UBE2R2: variants seen among roughly 807,000 people sequenced by gnomAD.
UBE2R2 encodes ubiquitin-conjugating enzyme E2 R2.
UBE2R2 carries 1 observed loss-of-function variant against 27.8 expected under a neutral mutation model. That is an observed-to-expected ratio of 0.04 (90% CI 0.01 to 0.17). The LOEUF is 0.17. UBE2R2 is among the 10% of genes least tolerant of loss of function. UBE2R2 has a pLI of 1.00. For synonymous variants in UBE2R2, 106 were observed against 113.3 expected (o/e 0.94, Z 0.41); for missense variants, 100 against 291.0 (o/e 0.34, Z 4.78).
intron 1 of UBE2R2, among the ~76,000 whole-genome samples, chr9:33,848,614 T>C (rs919774862): frequency 6.6e-6 from 1 of 152,092 alleles, no homozygotes; most frequent in Non-Finnish European, 1.5e-5. Context: ...TCTTTTTTTT[T>C]TTTTTAAATG....
intron 3 of UBE2R2, 132 bp downstream of exon 3, chr9:33,900,403 C>A: frequency 1.7e-6 from 1 of 589,998 alleles, no homozygotes; most frequent in Non-Finnish European, 2.9e-6. Flanking sequence ...TTGTCTTTAG[C>A]TAGAGCTTTA....
chr9:33,818,581 A>T (rs1016177833), intron 1 of UBE2R2: 2 of 147,946 alleles, frequency 1.4e-5, no homozygotes, highest in Non-Finnish European at 3.0e-5. Flanking sequence ...GTCATTATCC[A>T]TTTGGGGGAA....
At chr9:33,854,424 A>AT (rs1313489456) in intron 1 of UBE2R2, among the ~76,000 whole-genome samples, 1 of 151,804 alleles carries the variant, frequency 6.6e-6, no homozygotes, top group African/African-American at 2.4e-5. Flanking sequence ...GATTCAAGCG[A>AT]TTCTCCTGCC....
chr9:33,913,311 T>G (rs1376928153), intron 4 of UBE2R2, among the ~76,000 whole-genome samples: 1 of 152,180 alleles, frequency 6.6e-6, no homozygotes, highest in African/African-American at 2.4e-5. Context: ...TTGCCTGGGC[T>G]GGAGTGCAAT....
intron 2 of UBE2R2, among the ~76,000 whole-genome samples, chr9:33,887,197 C>A (rs138122349): frequency 6.6e-6 from 1 of 152,224 alleles, no homozygotes; most frequent in East Asian, 1.9e-4. Context: ...AGGATTTGGG[C>A]TTTAGACTTT....
In UBE2R2 at chr9:33,917,539, T is replaced by C. The variant is rs1393830109; in HGVS notation, c.*302T>C. On this transcript the variant is annotated 3_prime_UTR_variant, in exon 5 of 5. Transcript: ENST00000263228. The stretch of plus-strand genomic sequence containing the variant: ...CCCGCCTCACTTCGTCTCTACAGAA[T>C]GTTCACAGCAAAACACGTTTGGTCT... 1 of 525,194 alleles carries C rather than the reference T, an allele frequency of 1.9e-6. No homozygotes were observed. Among genetic ancestry groups the C allele is most frequent in the African/African-American group, 1.9e-5 (1 of 51,970 alleles). 32.5% of individuals were successfully genotyped at this position (525,194 alleles called of 1,614,324 possible).
intron 1 of UBE2R2, among the ~76,000 whole-genome samples, chr9:33,837,607 G>A (rs1456744948): frequency 1.3e-5 from 2 of 151,974 alleles, no homozygotes; most frequent in East Asian, 3.8e-4. Flanking sequence ...TATATTTTTA[G>A]TAGAGATGGG....
At position 33,886,286 on chromosome 9, in the gene UBE2R2, A is replaced by G. The variant is rs1034809694; in HGVS notation, c.178-595A>G. 2.0e-5 allele frequency among the ~76,000 whole-genome samples: 3 copies of G among 152,308 alleles called. No homozygotes were observed. The East Asian group carries it at 5.8e-4, about 29-fold the overall frequency. ...TAAAATGTACAGAGTACTGTTTTTC[A>G]CTTGTGAGGCAAGTTAAAATTATAT... On this transcript the variant is annotated intron_variant, in intron 1 of 4. Coordinates refer to ENST00000263228, the MANE Select transcript of UBE2R2 (RefSeq NM_017811.4).
intron 1 of UBE2R2, among the ~76,000 whole-genome samples, chr9:33,824,283 G>A (rs1003617405): frequency 2.6e-5 from 4 of 151,372 alleles, no homozygotes; most frequent in Admixed American, 1.3e-4. Flanking sequence ...CCTGATGTCA[G>A]GAGTTCAAGA....
At position 33,817,814 on chromosome 9, in the gene UBE2R2, C is replaced by T. The variant is rs11542253; in HGVS notation, c.57C>T (p.Ser19=). 6 of 1,612,022 alleles carry T rather than the reference C, an allele frequency of 3.7e-6. No homozygotes were observed. The highest frequency in any genetic ancestry group is 4.2e-6 in the Non-Finnish European group (5 of 1,179,118). Residue 19 remains serine (S), a synonymous_variant, in exon 1 of 5, where the codon TCC becomes TCT. Coordinates refer to ENST00000263228, the MANE Select transcript of UBE2R2 (RefSeq NM_017811.4). ...AGGCCCTGATGCTCGAGCTGAAATC[C>T]CTGCAGGAGGAACCGGTGGAGGGCT... ...SQKALMLELK[S]LQEEPVEGFR...
At chr9:33,875,484 G>T (rs1005733521) in intron 1 of UBE2R2, among the ~76,000 whole-genome samples, 2 of 152,164 alleles carry the variant, frequency 1.3e-5, no homozygotes, top group African/African-American at 4.8e-5. Flanking sequence ...CCACACCCCT[G>T]TAGTCCCAGC....
chr9:33,871,913 C>T, intron 1 of UBE2R2, among the ~76,000 whole-genome samples: 1 of 151,920 alleles, frequency 6.6e-6, no homozygotes, highest in East Asian at 1.9e-4. Context: ...GTGTTTTCAC[C>T]ATGTTAGCCA....
intron 1 of UBE2R2, among the ~76,000 whole-genome samples, chr9:33,836,280 T>C (rs1228942008): frequency 6.6e-6 from 1 of 152,212 alleles, no homozygotes; most frequent in Non-Finnish European, 1.5e-5. Context: ...CCTAGATGTG[T>C]AGGAGCCTAT....
chr9:33,892,911 TA>T (rs140913929), intron 2 of UBE2R2, among the ~76,000 whole-genome samples: 73 of 148,072 alleles, frequency 4.9e-4, no homozygotes, highest in African/African-American at 1.6e-3. Flanking sequence ...ACTTCCTTAT[TA>T]AAAAAAAAAG....
chr9:33,882,139 G>A (rs1167071234), intron 1 of UBE2R2, among the ~76,000 whole-genome samples: 1 of 152,050 alleles, frequency 6.6e-6, no homozygotes, highest in African/African-American at 2.4e-5. Flanking sequence ...ATGCTGTTTT[G>A]AAATACTCCA....
intron 3 of UBE2R2, among the ~76,000 whole-genome samples, chr9:33,910,425 G>A: frequency 6.6e-6 from 1 of 152,164 alleles, no homozygotes; most frequent in Admixed American, 6.5e-5. Flanking sequence ...GGGATTACAG[G>A]TGTGAGCCAC....
chr9:33,849,445 T>A (rs1161162833), intron 1 of UBE2R2, among the ~76,000 whole-genome samples: 2 of 152,110 alleles, frequency 1.3e-5, no homozygotes. Context: ...ATGTAAGTAA[T>A]ATCAAACAAC....
intron 3 of UBE2R2, among the ~76,000 whole-genome samples, chr9:33,908,223 G>GAGACC (rs1455239989): frequency 6.6e-6 from 1 of 152,206 alleles, no homozygotes; most frequent in Non-Finnish European, 1.5e-5. Context: ...TCTGCCTGAG[G>GAGACC]AGACCAATGC....
At chr9:33,840,499 C>T (rs1055731868) in intron 1 of UBE2R2, among the ~76,000 whole-genome samples, 3 of 152,066 alleles carry the variant, frequency 2.0e-5, no homozygotes, top group Admixed American at 6.6e-5. Flanking sequence ...ACTCATGTTG[C>T]ATCTTTCTTC....
Sources: allele counts gnomAD v4.1 joint callset (sites outside exome capture counted in the v4.1 genomes callset), GRCh38; gene constraint gnomAD v4.1.1; transcripts MANE v1.5; gene names NCBI Gene and HGNC (gene_info 2026-07-23, HGNC 2026-07-21).